BCL2L14: variants seen among roughly 807,000 people sequenced by gnomAD.
BCL2L14 encodes the protein apoptosis facilitator Bcl-2-like protein 14.
BCL2L14 carries 27 observed loss-of-function variants against 35.3 expected under a neutral mutation model. The ratio of observed to expected loss-of-function variants is 0.76; its 90% CI spans 0.56 to 1.05. The LOEUF (loss-of-function observed/expected upper bound fraction) is 1.05, where lower values mean the gene tolerates loss of function less well. BCL2L14 is among the 50% of genes least tolerant of loss of function. BCL2L14 has a pLI of 0.00. For synonymous variants in BCL2L14, 139 were observed against 145.9 expected (o/e 0.95, Z 0.34); for missense variants, 377 against 382.6 (o/e 0.99, Z 0.12).
At chr12:12,083,707 G>A (rs973409843) in intron 2 of BCL2L14, among the ~76,000 whole-genome samples, 3 of 152,268 alleles carry the variant, frequency 2.0e-5, no homozygotes, top group African/African-American at 7.2e-5. Flanking sequence ...CCCTTTGGGA[G>A]TCTGAGGTGG....
intron 2 of BCL2L14, among the ~76,000 whole-genome samples, chr12:12,083,511 G>C (rs1948973552): frequency 6.6e-6 from 1 of 152,184 alleles, no homozygotes; most frequent in African/African-American, 2.4e-5. Flanking sequence ...TTATAGTTAA[G>C]GTGAGGTTCA....
intron 2 of BCL2L14, among the ~76,000 whole-genome samples, chr12:12,062,717 C>T (rs556563040): frequency 2.6e-4 from 39 of 152,184 alleles, no homozygotes; most frequent in African/African-American, 8.2e-4. Flanking sequence ...AGAAGGCCAC[C>T]GCAGTCATTT....
intron 2 of BCL2L14, among the ~76,000 whole-genome samples, chr12:12,058,097 TGC>T (rs1555085976): frequency 2.0e-5 from 3 of 151,546 alleles, no homozygotes; most frequent in Non-Finnish European, 4.4e-5. Context: ...TACAGGTGTG[TGC>T]CACCACGCCC....
chr12:12,054,086 ATTTG>A (rs1463892682), intron 2 of BCL2L14, among the ~76,000 whole-genome samples: 1 of 152,186 alleles, frequency 6.6e-6, no homozygotes, highest in African/African-American at 2.4e-5. Flanking sequence ...CCTGCTACGT[ATTTG>A]TTTGTTTAAT....
intron 3 of BCL2L14, among the ~76,000 whole-genome samples, chr12:12,087,686 A>G (rs1249001599): frequency 6.6e-6 from 1 of 152,238 alleles, no homozygotes; most frequent in Non-Finnish European, 1.5e-5. Context: ...GGAAAATGCA[A>G]TGTTAGATCT....
rs772405908 is a variant in BCL2L14 at position 12,094,926 on chromosome 12, G to T, written c.941G>T (p.Gly314Val). Residue 314 changes from glycine (G) to valine (V), a missense_variant, in exon 5 of 6, where the codon GGA (glycine) becomes GTA (valine). Coordinates refer to ENST00000308721, the MANE Select transcript of BCL2L14 (RefSeq NM_138723.2). ...NFSPWIQQHG[G>V]WEKILGISHE... The stretch of plus-strand genomic sequence containing the variant: ...TCGCCATGGATCCAGCAGCACGGTG[G>T]ATGGGTAAGCGTATCCTATTTAAAA... The T allele has an allele frequency of 1.9e-6, 3 of 1,613,106 alleles. No homozygotes were observed. The highest frequency in any genetic ancestry group is 1.6e-4 in the Middle Eastern group (1 of 6,062).
intron 1 of BCL2L14, among the ~76,000 whole-genome samples, chr12:12,050,810 A>AAG (rs1555084773): frequency 0.019 from 2,112 of 110,058 alleles, 57 homozygotes; most frequent in African/African-American, 0.061. Context: ...AAAAAAAAAA[A>AAG]AAAGAAAAGA....
chr12:12,052,658 T>C (rs1948374553), intron 2 of BCL2L14, among the ~76,000 whole-genome samples: 1 of 152,212 alleles, frequency 6.6e-6, no homozygotes, highest in Non-Finnish European at 1.5e-5. Flanking sequence ...ATCTTGGCTA[T>C]GGTAAATCGT....
rs539522138 is a variant in BCL2L14 at position 12,063,867 on chromosome 12, G to T, written c.-272+12020G>T. Among the ~76,000 whole-genome samples the T allele has an allele frequency of 3.5e-4, 53 of 152,068 alleles. No individual in the cohort carries two copies. The South Asian group carries it at 5.2e-3, about 15-fold the overall frequency. On this transcript the variant is annotated intron_variant, in intron 2 of 3. Coordinates refer to the BCL2L14 transcript ENST00000461264. Reference sequence around the variant, plus strand: ...TCTCCTGGCTCATCCTGGCTCAAAAGCTCCCCCACTGAGTACCTTGTGACC... The same window carrying T: ...TCTCCTGGCTCATCCTGGCTCAAAATCTCCCCCACTGAGTACCTTGTGACC...
At chr12:12,050,240 C>T (rs1000054810) in intron 1 of BCL2L14, among the ~76,000 whole-genome samples, 2 of 151,968 alleles carry the variant, frequency 1.3e-5, no homozygotes, top group African/African-American at 4.8e-5. Flanking sequence ...ACGACTAATG[C>T]CCTGGCATGC....
At chr12:12,066,657 C>T (rs1184917865), upstream of BCL2L14, among the ~76,000 whole-genome samples, 1 of 152,086 alleles carries the variant, frequency 6.6e-6, no homozygotes, top group African/African-American at 2.4e-5. Context: ...AAAGCTCTAC[C>T]CTGCAGCATT....
upstream of BCL2L14, among the ~76,000 whole-genome samples, chr12:12,070,249 T>TA (rs1948648052): frequency 6.6e-6 from 1 of 152,138 alleles, no homozygotes; most frequent in Non-Finnish European, 1.5e-5. Flanking sequence ...GGTGACATGA[T>TA]AGAGTGTAAA....
rs11054669 is a variant in BCL2L14 at position 12,080,024 on chromosome 12, A to G, written c.433+286A>G. Among the ~76,000 whole-genome samples, 97 of 152,038 alleles carry G rather than the reference A, an allele frequency of 6.4e-4. 1 individual carries two copies. The highest frequency in any genetic ancestry group is 3.4e-3 in the Middle Eastern group (1 of 294). ...TTGAGACCATCCTGGCTAACACGGT[A>G]AAACCCCGTCTCCACTAAAAAATAC... On this transcript the variant is annotated intron_variant, in intron 2 of 5. Transcript: ENST00000308721.
At chr12:12,064,349 C>G (rs549959797) in intron 2 of BCL2L14, among the ~76,000 whole-genome samples, 1 of 151,918 alleles carries the variant, frequency 6.6e-6, no homozygotes, top group East Asian at 1.9e-4. Flanking sequence ...CTATGTTACC[C>G]AGGCTAGTCT....
chr12:12,066,071 G>A (rs113800621), upstream of BCL2L14, among the ~76,000 whole-genome samples: 19,427 of 152,156 alleles, frequency 0.13, 1,291 homozygotes, highest in East Asian at 0.18. Flanking sequence ...AATTACAGGC[G>A]TGAGCCACCG....
intron 4 of BCL2L14, among the ~76,000 whole-genome samples, chr12:12,091,407 G>A (rs747814219): frequency 6.6e-6 from 1 of 152,220 alleles, no homozygotes; most frequent in East Asian, 1.9e-4. Context: ...AGGAACGGGT[G>A]AGAGTTGCCT....
upstream of BCL2L14, among the ~76,000 whole-genome samples, chr12:12,067,862 A>C (rs759534414): frequency 2.0e-5 from 3 of 152,164 alleles, no homozygotes; most frequent in Admixed American, 6.5e-5. Context: ...TGAGAGGTGG[A>C]CAGTTGCTCT....
At chr12:12,084,412 GAAGA>G in intron 2 of BCL2L14, among the ~76,000 whole-genome samples, 1 of 152,328 alleles carries the variant, frequency 6.6e-6, no homozygotes, top group East Asian at 1.9e-4. Context: ...TAAGGAAGAA[GAAGA>G]AAGTGGATAC....
intron 2 of BCL2L14, among the ~76,000 whole-genome samples, chr12:12,059,939 G>A (rs973193693): frequency 1.3e-5 from 2 of 151,998 alleles, no homozygotes; most frequent in Admixed American, 6.5e-5. Flanking sequence ...TTACACATCC[G>A]TCCCTCTCTA....
Sources: allele counts gnomAD v4.1 joint callset (sites outside exome capture counted in the v4.1 genomes callset), GRCh38; gene constraint gnomAD v4.1.1; transcripts MANE v1.5; gene names NCBI Gene and HGNC (gene_info 2026-07-23, HGNC 2026-07-21).